Variants in CFAP20DC observed in about 807,000 individuals in gnomAD.
The protein encoded by CFAP20DC is protein CFAP20DC.
Under a neutral mutation model 101.7 loss-of-function variants are expected in CFAP20DC, and 84 were observed. The ratio of observed to expected loss-of-function variants is 0.83; its 90% CI spans 0.69 to 0.99. The LOEUF (loss-of-function observed/expected upper bound fraction) is 0.99. Among genes scored for constraint, CFAP20DC ranks in the 50% least tolerant of loss-of-function variants. The pLI, the probability that CFAP20DC is intolerant of heterozygous loss-of-function variation, is 0.00. For missense variants in CFAP20DC, 1,007 were observed against 970.3 expected, an observed-to-expected ratio of 1.04 and a Z score of -0.50; for synonymous variants, 359 against 351.2, an observed-to-expected ratio of 1.02 and a Z score of -0.25.
chr3:58,817,437 G>C (rs1448776638), intron 14 of CFAP20DC, among the ~76,000 whole-genome samples: 2 of 144,366 alleles, frequency 1.4e-5, no homozygotes, highest in Non-Finnish European at 3.1e-5. Context: ...ATACAGAGAA[G>C]TGCTTAAAGG....
intron 15 of CFAP20DC, among the ~76,000 whole-genome samples, chr3:58,800,656 T>C (rs1194387056): frequency 6.6e-6 from 1 of 152,196 alleles, no homozygotes; most frequent in East Asian, 1.9e-4. Flanking sequence ...TTAATTATTA[T>C]GTCTTAAAGA....
chr3:58,831,596 C>A (rs968260049), intron 14 of CFAP20DC, 90 bp downstream of exon 14: 47 of 1,090,298 alleles, frequency 4.3e-5, no homozygotes, highest in Non-Finnish European at 6.3e-5. Context: ...TCATTTTGGT[C>A]CTGGCTTTTC....
intron 5 of CFAP20DC, among the ~76,000 whole-genome samples, chr3:58,931,083 C>T (rs1024954575): frequency 3.9e-5 from 6 of 152,282 alleles, no homozygotes; most frequent in East Asian, 1.9e-4. Flanking sequence ...TGCGCTTTTC[C>T]GATGGGGCTT....
intron 16 of CFAP20DC, among the ~76,000 whole-genome samples, chr3:58,745,615 A>G (rs959785307): frequency 1.3e-5 from 2 of 152,218 alleles, no homozygotes; most frequent in Non-Finnish European, 2.9e-5. Flanking sequence ...CACTGGTAAT[A>G]TGCATAACAC....
At position 58,882,860 on chromosome 3, in the gene CFAP20DC, C is replaced by T. The variant is rs148961070; in HGVS notation, c.715+1685G>A. ...ACACAGGGGTTGTTCATCATACATT[C>T]TCTCGAATTTTCTGTAAGTTTGGAA... On this transcript the variant is annotated intron_variant, in intron 7 of 16. Transcript: ENST00000482387. This position sits in a 1 kb window ranked among gnomAD's most constrained non-coding sequence, Gnocchi z 4.2. Among the ~76,000 whole-genome samples, 1 of 152,252 alleles carries T rather than the reference C, an allele frequency of 6.6e-6. No homozygotes were observed. Among genetic ancestry groups the T allele is most frequent in the Non-Finnish European group, 1.5e-5 (1 of 68,018 alleles).
intron 4 of CFAP20DC, among the ~76,000 whole-genome samples, chr3:58,993,252 A>G (rs774651600): frequency 6.6e-6 from 1 of 152,142 alleles, no homozygotes; most frequent in African/African-American, 2.4e-5. Flanking sequence ...TTGTAAATGC[A>G]TTACAAACTT....
chr3:58,854,543 A>G (rs1423795467), intron 12 of CFAP20DC, among the ~76,000 whole-genome samples: 3 of 152,234 alleles, frequency 2.0e-5, no homozygotes, highest in African/African-American at 4.8e-5. Flanking sequence ...TCCTGAGCCA[A>G]AAGAACAAAG....
At chr3:58,742,880 T>C (rs1259522189) in intron 16 of CFAP20DC, among the ~76,000 whole-genome samples, 2 of 152,148 alleles carry the variant, frequency 1.3e-5, no homozygotes, top group Non-Finnish European at 2.9e-5. Flanking sequence ...GTTATGCTTA[T>C]TAGGATTAGG....
rs1036905498 is a variant in CFAP20DC, at chr3:58,799,178, T to C, written c.2237+7217A>G. On this transcript the variant is annotated intron_variant, in intron 15 of 16. Transcript: ENST00000482387. The surrounding 1 kb of genome is among the most constrained non-coding windows in gnomAD (Gnocchi z 4.9). ...GAACTGAGTACACCTTCTGCAGCAG[T>C]GGCAACCCAACCAGATTTCTAGCAA... Among the ~76,000 whole-genome samples, 1 of 152,154 alleles carries C rather than the reference T, an allele frequency of 6.6e-6. No individual in the cohort carries two copies. Among genetic ancestry groups the C allele is most frequent in the African/African-American group, 2.4e-5 (1 of 41,456 alleles).
intron 4 of CFAP20DC, among the ~76,000 whole-genome samples, chr3:59,022,397 G>A (rs1414750616): frequency 2.6e-5 from 4 of 151,934 alleles, no homozygotes; most frequent in Non-Finnish European, 4.4e-5. Flanking sequence ...CTCTATAATA[G>A]AGAATTGAGC....
chr3:58,729,542 T>C lies in CFAP20DC; in HGVS notation c.198-11914A>G, dbSNP rs1205060174. Among the ~76,000 whole-genome samples, 1 of 152,218 alleles carries C rather than the reference T, an allele frequency of 6.6e-6. No individual in the cohort carries two copies. Among genetic ancestry groups the C allele is most frequent in the African/African-American group, 2.4e-5 (1 of 41,456 alleles). On this transcript the variant is annotated intron_variant, in intron 3 of 3. Coordinates refer to the CFAP20DC transcript ENST00000486145. This position sits in a 1 kb window ranked among gnomAD's most constrained non-coding sequence, Gnocchi z 4.4. Reference sequence around the variant, plus strand: ...TAAGTTTGTTAATTTTAGTAATTTATCTGTAGATTTTCTTGGGTTTTCTAT... The same window carrying C: ...TAAGTTTGTTAATTTTAGTAATTTACCTGTAGATTTTCTTGGGTTTTCTAT...
intron 15 of CFAP20DC, among the ~76,000 whole-genome samples, chr3:58,760,567 C>T (rs2069460299): frequency 6.6e-6 from 1 of 152,122 alleles, no homozygotes; most frequent in Non-Finnish European, 1.5e-5. Flanking sequence ...ACTTCCAACA[C>T]TATGTTGAAT....
intron 15 of CFAP20DC, among the ~76,000 whole-genome samples, chr3:58,758,900 G>A (rs1453320409): frequency 6.6e-6 from 1 of 152,114 alleles, no homozygotes; most frequent in South Asian, 2.1e-4. Flanking sequence ...GTATTCCATG[G>A]TGTATATGTG....
At chr3:58,720,400 T>C (rs2067455166) in intron 3 of CFAP20DC, among the ~76,000 whole-genome samples, 1 of 152,226 alleles carries the variant, frequency 6.6e-6, no homozygotes, top group Non-Finnish European at 1.5e-5. Flanking sequence ...ATGGCCTTGA[T>C]ACAGGTTCTT....
intron 3 of CFAP20DC, among the ~76,000 whole-genome samples, chr3:58,731,862 G>C (rs1357653323): frequency 6.6e-6 from 1 of 152,182 alleles, no homozygotes; most frequent in Admixed American, 6.5e-5. Flanking sequence ...GCCATCAATA[G>C]AACCATTGTT....
intron 4 of CFAP20DC, among the ~76,000 whole-genome samples, chr3:58,995,633 G>A (rs990662075): frequency 2.6e-5 from 4 of 152,066 alleles, no homozygotes; most frequent in African/African-American, 7.2e-5. Flanking sequence ...TATCTGTGAA[G>A]GTGTTTTTGG....
chr3:58,883,517 T>C (rs2081375497), intron 7 of CFAP20DC, among the ~76,000 whole-genome samples: 1 of 152,188 alleles, frequency 6.6e-6, no homozygotes, highest in Admixed American at 6.5e-5. Flanking sequence ...GTCTCTTTGT[T>C]TTTGCTCAGT....
chr3:58,783,938 G>A (rs114027082), intron 15 of CFAP20DC, among the ~76,000 whole-genome samples: 3,139 of 152,144 alleles, frequency 0.021, 110 homozygotes, highest in African/African-American at 0.071. Flanking sequence ...TTTGGGGTAT[G>A]AATGATCCCA....
chr3:58,933,685 T>G (rs1466268123), intron 5 of CFAP20DC, among the ~76,000 whole-genome samples: 1 of 151,194 alleles, frequency 6.6e-6, no homozygotes, highest in African/African-American at 2.4e-5. Flanking sequence ...GGGTACATAA[T>G]GAAATGAAGG....
Sources: allele counts gnomAD v4.1 joint callset (sites outside exome capture counted in the v4.1 genomes callset), GRCh38; gene constraint gnomAD v4.1.1; non-coding constraint Gnocchi (gnomAD v3.1); transcripts MANE v1.5; gene names NCBI Gene and HGNC (gene_info 2026-07-23, HGNC 2026-07-21).